BABAM2: variants seen among roughly 807,000 people sequenced by gnomAD.
The protein encoded by BABAM2 is BRISC and BRCA1 A complex member 2.
BABAM2 carries 31 observed loss-of-function variants against 54.7 expected under a neutral mutation model. The ratio of observed to expected loss-of-function variants is 0.57; its 90% CI spans 0.43 to 0.77. BABAM2 has a LOEUF of 0.77. Ranked by LOEUF, BABAM2 falls within the 30% of genes least tolerant of loss-of-function variation. The pLI, the probability that BABAM2 is intolerant of heterozygous loss-of-function variation, is 0.00. For synonymous variants in BABAM2, 167 were observed against 162.9 expected, an observed-to-expected ratio of 1.03 and a Z score of -0.19; for missense variants, 364 against 455.8, an observed-to-expected ratio of 0.80 and a Z score of 1.83.
At chr2:28,114,481 G>A (rs1161407449) in intron 6 of BABAM2, among the ~76,000 whole-genome samples, 1 of 152,050 alleles carries the variant, frequency 6.6e-6, no homozygotes. Flanking sequence ...TTACCTTGTA[G>A]GATCTCCTAT....
At chr2:28,183,837 A>G (rs1675937730) in intron 7 of BABAM2, among the ~76,000 whole-genome samples, 2 of 152,050 alleles carry the variant, frequency 1.3e-5, no homozygotes, top group Non-Finnish European at 1.5e-5. Flanking sequence ...AAATGGTGGT[A>G]TACAACATGC....
intron 7 of BABAM2, among the ~76,000 whole-genome samples, chr2:28,131,788 C>G (rs1670100078): frequency 6.6e-6 from 1 of 152,070 alleles, no homozygotes; most frequent in Non-Finnish European, 1.5e-5. Flanking sequence ...GAGCAAGTAC[C>G]AGTTCTAGCG....
At chr2:28,194,888 G>A (rs1329393794) in intron 7 of BABAM2, among the ~76,000 whole-genome samples, 1 of 152,098 alleles carries the variant, frequency 6.6e-6, no homozygotes, top group Non-Finnish European at 1.5e-5. Context: ...TAGAAACAGG[G>A]TTTTGCCATG....
intron 3 of BABAM2, among the ~76,000 whole-genome samples, chr2:27,946,233 T>C (rs1426076321): frequency 2.0e-5 from 3 of 152,230 alleles, no homozygotes; most frequent in Non-Finnish European, 4.4e-5. Flanking sequence ...AAAAGAATGT[T>C]AATATATGTT....
intron 3 of BABAM2, among the ~76,000 whole-genome samples, chr2:27,959,464 A>C (rs1447971318): frequency 6.6e-6 from 1 of 152,100 alleles, no homozygotes; most frequent in Non-Finnish European, 1.5e-5. Flanking sequence ...AGAAGATAGA[A>C]TTTGCTCCTA....
intron 11 of BABAM2, among the ~76,000 whole-genome samples, chr2:28,313,582 G>A (rs993173524): frequency 7.9e-5 from 12 of 152,280 alleles, no homozygotes; most frequent in East Asian, 3.9e-4. Flanking sequence ...GCCAGGTAGC[G>A]GGGCCTTGAC....
intron 7 of BABAM2, among the ~76,000 whole-genome samples, chr2:28,141,410 A>G (rs1671043114): frequency 6.6e-6 from 1 of 152,160 alleles, no homozygotes; most frequent in Non-Finnish European, 1.5e-5. Context: ...ATTTATTGAT[A>G]TTTGCCTAAA....
Position 28,165,633 on chromosome 2 carries a change from C to G in BABAM2, c.680+36253C>G, listed in dbSNP as rs905923030. 4.4e-5 allele frequency among the ~76,000 whole-genome samples: 6 copies of G among 134,938 alleles called. No homozygotes were observed. In the East Asian group the frequency reaches 1.5e-3, roughly 33 times the overall value. The allele number at this position is 134,938 out of a possible 152,430, so 88.5% of individuals were successfully genotyped here. ...CACTGCAACCTCCGCTTCCTGGGTT[C>G]AAGGGATTCTCCTGCCTCAGCCTCC... On this transcript the variant is annotated intron_variant, in intron 7 of 11. Transcript: ENST00000379624.
At chr2:28,218,025 T>C (rs11680284) in intron 7 of BABAM2, among the ~76,000 whole-genome samples, 25,828 of 152,218 alleles carry the variant, frequency 0.17, 2,312 homozygotes, top group African/African-American at 0.2. Context: ...GTTGCAAGAA[T>C]AGAACAAGGA....
intron 7 of BABAM2, among the ~76,000 whole-genome samples, chr2:28,163,743 G>A (rs959146126): frequency 5.9e-5 from 9 of 152,302 alleles, no homozygotes; most frequent in Admixed American, 1.3e-4. Context: ...GTGTAAGATC[G>A]GCTGGGCTGA....
chr2:27,967,281 T>G (rs140945798), intron 3 of BABAM2, among the ~76,000 whole-genome samples: 5 of 152,290 alleles, frequency 3.3e-5, no homozygotes, highest in African/African-American at 4.8e-5. Flanking sequence ...TGCCATGCTG[T>G]TCTCGTGATG....
In BABAM2 at chr2:28,025,308, A is replaced by C; in HGVS notation, c.383A>C (p.Gln128Pro). The part of the protein sequence containing the change: ...KELVQQYHQF[Q>P]CSRLRESSRL... ...CTTGTGCAACAATATCACCAATTCC[A>C]ATGTAGCCGCCTCCGGGAGAGCTCC... The change falls in exon 5 of 12, where the codon CAA (glutamine) becomes CCA (proline). Residue 128 changes from glutamine to proline, a missense_variant. Gln to Pro is a moderately conservative substitution (Grantham distance 76, BLOSUM62 -1). Transcript: ENST00000379624. The C allele has an allele frequency of 6.2e-7, 1 of 1,613,194 alleles. No individual in the cohort carries two copies. The highest frequency in any genetic ancestry group is 8.5e-7 in the Non-Finnish European group (1 of 1,179,770).
intron 9 of BABAM2, among the ~76,000 whole-genome samples, chr2:28,242,167 C>T (rs1366463547): frequency 2.0e-5 from 3 of 152,116 alleles, no homozygotes; most frequent in Admixed American, 6.5e-5. Flanking sequence ...AACCCCATTT[C>T]CCCAGCACTC....
chr2:28,054,205 T>C (rs1316337512), intron 6 of BABAM2, among the ~76,000 whole-genome samples: 1 of 152,024 alleles, frequency 6.6e-6, no homozygotes, highest in Non-Finnish European at 1.5e-5. Context: ...CGTAAAGGGA[T>C]TTGGCTCAGT....
At chr2:28,095,413 C>T (rs1435506927) in intron 6 of BABAM2, among the ~76,000 whole-genome samples, 2 of 152,200 alleles carry the variant, frequency 1.3e-5, no homozygotes, top group Non-Finnish European at 2.9e-5. Context: ...GGGCCCATGT[C>T]TACATGCTCA....
intron 7 of BABAM2, among the ~76,000 whole-genome samples, chr2:28,149,130 C>T (rs1671784146): frequency 6.6e-6 from 1 of 152,150 alleles, no homozygotes. Context: ...ATGGTAACAG[C>T]ATTATTACTG....
chr2:27,944,520 A>G (rs1158325137), intron 3 of BABAM2, among the ~76,000 whole-genome samples: 1 of 152,132 alleles, frequency 6.6e-6, no homozygotes, highest in African/African-American at 2.4e-5. Context: ...TTCAGTCAGC[A>G]TTATGTTTTT....
intron 2 of BABAM2, chr2:27,896,813 T>G (rs1665363008): frequency 4.3e-6 from 1 of 231,352 alleles, no homozygotes; most frequent in South Asian, 4.9e-5. Flanking sequence ...TGTGCCCAAC[T>G]GGGTCCACAT....
At chr2:28,291,482 T>C (rs1293605933) in intron 10 of BABAM2, among the ~76,000 whole-genome samples, 1 of 151,918 alleles carries the variant, frequency 6.6e-6, no homozygotes, top group African/African-American at 2.4e-5. Flanking sequence ...TAATCCTAGC[T>C]ACTCGGGAGG....
Sources: allele counts gnomAD v4.1 joint callset (sites outside exome capture counted in the v4.1 genomes callset), GRCh38; gene constraint gnomAD v4.1.1; transcripts MANE v1.5; gene names NCBI Gene and HGNC (gene_info 2026-07-23, HGNC 2026-07-21).